SPATA45: variants seen among roughly 807,000 people sequenced by gnomAD.
SPATA45 encodes the protein spermatogenesis-associated protein 45.
SPATA45 carries 5 observed loss-of-function variants against 7.0 expected under a neutral mutation model. That is an observed-to-expected ratio of 0.71 (90% CI 0.37 to 1.50). SPATA45 has a LOEUF of 1.50. SPATA45 is among the 40% of genes most tolerant of loss of function. SPATA45 has a pLI of 0.03. For synonymous variants in SPATA45, 40 were observed against 38.7 expected (o/e 1.03, Z -0.13); for missense variants, 111 against 114.9 (o/e 0.97, Z 0.16).
chr1:212,847,548 A>G (rs1036621426), intron 1 of SPATA45, 32 bp downstream of exon 1: 1 of 152,144 alleles, frequency 6.6e-6, no homozygotes, highest in African/African-American at 2.4e-5. Context: ...AAAATATATT[A>G]CTATTTCTAC....
chr1:212,843,587 T>C (rs914587778), intron 1 of SPATA45, among the ~76,000 whole-genome samples: 9 of 152,196 alleles, frequency 5.9e-5, no homozygotes, highest in African/African-American at 2.2e-4. Flanking sequence ...GACCCTTTAT[T>C]AACAAACAAT....
intron 2 of SPATA45, among the ~76,000 whole-genome samples, chr1:212,832,608 A>G (rs1401577538): frequency 6.6e-6 from 1 of 151,590 alleles, no homozygotes; most frequent in Non-Finnish European, 1.5e-5. Flanking sequence ...CGTTGAATGA[A>G]TAAAGAGTAA....
chr1:212,833,992 GC>G (rs1320300716), intron 2 of SPATA45, among the ~76,000 whole-genome samples: 1 of 151,516 alleles, frequency 6.6e-6, no homozygotes, highest in Non-Finnish European at 1.5e-5. Flanking sequence ...CAGGTGATCC[GC>G]CCACCTCGGC....
In SPATA45 at chr1:212,835,895, C is replaced by T; in HGVS notation, c.255G>A (p.Glu85=). ...WIKLSLLAHM[E]RKHFPPKNNA... Reference sequence around the variant, plus strand: ...TACTTTTTGGTGGAAAGTGCTTTCTCTCCATGTGAGCAAGGAGACTCAGCT... The same window carrying T: ...TACTTTTTGGTGGAAAGTGCTTTCTTTCCATGTGAGCAAGGAGACTCAGCT... The change falls in exon 2 of 3, where the codon GAG becomes GAA. Residue 85 remains glutamate (E), a synonymous_variant. Transcript: ENST00000332912. 6.2e-7 allele frequency: 1 copy of T among 1,603,546 alleles called. No individual in the cohort carries two copies. The highest frequency in any genetic ancestry group is 8.5e-7 in the Non-Finnish European group (1 of 1,175,198).
chr1:212,847,430 G>C (rs1009550159), intron 1 of SPATA45, 150 bp downstream of exon 1: 1 of 152,012 alleles, frequency 6.6e-6, no homozygotes, highest in African/African-American at 2.4e-5. Flanking sequence ...GTAAGTTAGG[G>C]GCCGGCCGTA....
At chr1:212,834,736 C>A (rs974708634) in intron 2 of SPATA45, among the ~76,000 whole-genome samples, 1 of 151,676 alleles carries the variant, frequency 6.6e-6, no homozygotes, top group African/African-American at 2.4e-5. Flanking sequence ...GAGGTGTGAG[C>A]CACCGCGCCC....
chr1:212,836,281 TAA>T, intron 1 of SPATA45, 94 bp from the exon 2 acceptor site: 1 of 979,602 alleles, frequency 1.0e-6, no homozygotes, highest in South Asian at 1.7e-5. Flanking sequence ...TTGCCTTCTA[TAA>T]AATAACACCA....
At chr1:212,835,220 A>G (rs1202009118) in intron 2 of SPATA45, among the ~76,000 whole-genome samples, 1 of 151,668 alleles carries the variant, frequency 6.6e-6, no homozygotes, top group African/African-American at 2.4e-5. Flanking sequence ...ATTCCTATAC[A>G]TTGGTTAAGA....
intron 2 of SPATA45, among the ~76,000 whole-genome samples, chr1:212,832,319 T>G (rs1663504461): frequency 6.6e-6 from 1 of 150,778 alleles, no homozygotes; most frequent in African/African-American, 2.4e-5. Flanking sequence ...GTACTATTTT[T>G]TAACTTGTTT....
intron 1 of SPATA45, among the ~76,000 whole-genome samples, chr1:212,846,375 G>A (rs1379522739): frequency 2.0e-5 from 3 of 152,104 alleles, no homozygotes; most frequent in Admixed American, 6.6e-5. Flanking sequence ...AATATAAGAA[G>A]ACAGGAATGT....
intron 2 of SPATA45, among the ~76,000 whole-genome samples, chr1:212,830,767 G>C (rs1391407837): frequency 6.6e-6 from 1 of 151,018 alleles, no homozygotes; most frequent in Non-Finnish European, 1.5e-5. Flanking sequence ...CGGATCACGA[G>C]GTCAAGAGAT....
intron 1 of SPATA45, among the ~76,000 whole-genome samples, chr1:212,843,954 CCTAA>C (rs1663742030): frequency 6.6e-6 from 1 of 152,108 alleles, no homozygotes; most frequent in African/African-American, 2.4e-5. Flanking sequence ...TCTAGATCAA[CCTAA>C]CTGACCCCAT....
At chr1:212,831,153 T>TA (rs35097122) in intron 2 of SPATA45, among the ~76,000 whole-genome samples, 43,087 of 138,092 alleles carry the variant, frequency 0.31, 8,432 homozygotes, top group Non-Finnish European at 0.42. Context: ...CTCAATAAAT[T>TA]AAAAAAAAAA....
At chr1:212,832,082 G>C (rs1415729405) in intron 2 of SPATA45, among the ~76,000 whole-genome samples, 2 of 140,892 alleles carry the variant, frequency 1.4e-5, no homozygotes, top group Non-Finnish European at 1.5e-5. Flanking sequence ...GCAGTGGCGC[G>C]ATCTCTGCTC....
rs1420426631 is a variant in SPATA45, at chr1:212,836,200, G to A, written c.-38-13C>T. 1.0e-5 allele frequency: 15 copies of A among 1,483,000 alleles called. No homozygotes were observed. In the Admixed American group the frequency reaches 1.2e-4, roughly 12 times the overall value. 91.9% of individuals were successfully genotyped at this position (1,483,000 alleles called of 1,614,324 possible). ...GATTCTTGCTGTCCTACAAACAAAT[G>A]AAAAAATACTTTCAATTGTCTTTTT... On this transcript the variant is annotated splice_polypyrimidine_tract_variant and intron_variant, in intron 1 of 2. Coordinates refer to ENST00000332912, the MANE Select transcript of SPATA45 (RefSeq NM_001024601.3).
At chr1:212,838,487 A>G (rs1428936690) in intron 1 of SPATA45, among the ~76,000 whole-genome samples, 2 of 151,554 alleles carry the variant, frequency 1.3e-5, no homozygotes, top group Non-Finnish European at 3.0e-5. Flanking sequence ...TGTAAAATGG[A>G]ACAATGTCTG....
At chr1:212,830,322 T>A (rs1174281460) in intron 2 of SPATA45, 61 bp from the exon 3 acceptor site, 4 of 1,035,560 alleles carry the variant, frequency 3.9e-6, no homozygotes, top group Non-Finnish European at 5.7e-6. Flanking sequence ...TCATGGTTTT[T>A]AAAATAACCC....
At chr1:212,839,419 C>G (rs1334865269) in intron 1 of SPATA45, among the ~76,000 whole-genome samples, 1 of 150,904 alleles carries the variant, frequency 6.6e-6, no homozygotes, top group East Asian at 1.9e-4. Context: ...GAGTTCAAGA[C>G]CAGACTAAGC....
intron 1 of SPATA45, among the ~76,000 whole-genome samples, chr1:212,842,360 A>T (rs896956489): frequency 3.3e-5 from 5 of 152,102 alleles, no homozygotes; most frequent in Non-Finnish European, 7.4e-5. Flanking sequence ...CCTGGGGGAC[A>T]AGAATGAAAC....
Sources: gnomAD v4.1 joint callset for allele counts (sites outside exome capture counted in the v4.1 genomes callset) on GRCh38, gnomAD v4.1.1 for gene constraint, MANE v1.5 for transcripts, NCBI Gene and HGNC (gene_info 2026-07-23, HGNC 2026-07-21) for gene names.